The following ARHGAP6 variants were observed in gnomAD, a reference collection of about 807,000 sequenced individuals.
ARHGAP6 encodes the protein Rho GTPase activating protein 6.
In ARHGAP6, 16 loss-of-function variants were observed where a neutral mutation model predicts 55.7. The ratio of observed to expected loss-of-function variants is 0.29; its 90% CI spans 0.19 to 0.44. The LOEUF (loss-of-function observed/expected upper bound fraction) is 0.44. Ranked by LOEUF, ARHGAP6 falls within the 20% of genes least tolerant of loss-of-function variation. The pLI, the probability that ARHGAP6 is intolerant of heterozygous loss-of-function variation, is 1.00. For missense variants in ARHGAP6, 698 were observed against 808.9 expected, an observed-to-expected ratio of 0.86 and a Z score of 1.66; for synonymous variants, 382 against 360.9, an observed-to-expected ratio of 1.06 and a Z score of -0.66.
chrX:11,306,960 C>T lies in ARHGAP6; in HGVS notation c.589-52253G>A, dbSNP rs143315199. The stretch of plus-strand genomic sequence containing the variant: ...TACAAACATAGGCAAGTATCCCCTA[C>T]GCTAGGACAACATTGCCATGGCAAC... On this transcript the variant is annotated intron_variant, in intron 1 of 12. Transcript: ENST00000337414. 2.7e-3 allele frequency among the ~76,000 whole-genome samples: 305 copies of T among 111,644 alleles called. 1 individual carries two copies. Among genetic ancestry groups the T allele is most frequent in the African/African-American group, 9.1e-3 (279 of 30,686 alleles).
chrX:11,485,267 T>G (rs1470557838), intron 1 of ARHGAP6, among the ~76,000 whole-genome samples: 1 of 112,009 alleles, frequency 8.9e-6, no homozygotes, highest in East Asian at 2.8e-4. Flanking sequence ...ATACAGAAAA[T>G]GTTTTTAATG....
intron 1 of ARHGAP6, among the ~76,000 whole-genome samples, chrX:11,418,682 C>T (rs2049784261): frequency 8.9e-6 from 1 of 111,867 alleles, no homozygotes; most frequent in Non-Finnish European, 1.9e-5. Context: ...TCACTCTCTA[C>T]TAAATGCTTT....
At chrX:11,620,485 C>T (rs2052215132) in intron 1 of ARHGAP6, among the ~76,000 whole-genome samples, 1 of 112,376 alleles carries the variant, frequency 8.9e-6, no homozygotes, top group African/African-American at 3.2e-5. Context: ...GAAGCCAAAG[C>T]CTGATGGGTG....
chrX:11,319,242 T>C (rs192126877), intron 1 of ARHGAP6, among the ~76,000 whole-genome samples: 15 of 112,215 alleles, frequency 1.3e-4, no homozygotes, highest in African/African-American at 4.9e-4. Flanking sequence ...ATACCTATAC[T>C]TGTACTTACA....
intron 1 of ARHGAP6, among the ~76,000 whole-genome samples, chrX:11,294,147 A>C (rs1194042799): frequency 8.9e-6 from 1 of 112,452 alleles, no homozygotes; most frequent in African/African-American, 3.2e-5. Flanking sequence ...GAATCACATA[A>C]AATTCGTACC....
chrX:11,473,950 G>T (rs1159838755), intron 1 of ARHGAP6, among the ~76,000 whole-genome samples: 1 of 111,272 alleles, frequency 9.0e-6, no homozygotes, highest in African/African-American at 3.3e-5. Context: ...TGTTAAAGCT[G>T]CCTTCTCAAC....
At chrX:11,526,935 G>C (rs1378213669) in intron 1 of ARHGAP6, among the ~76,000 whole-genome samples, 1 of 109,280 alleles carries the variant, frequency 9.2e-6, no homozygotes, top group Non-Finnish European at 1.9e-5. Context: ...TAATTTAAAA[G>C]TTTAGAAACC....
At chrX:11,456,144 C>T (rs2050192051) in intron 1 of ARHGAP6, among the ~76,000 whole-genome samples, 2 of 111,537 alleles carry the variant, frequency 1.8e-5, no homozygotes, top group African/African-American at 6.5e-5. Context: ...ATATACCATA[C>T]AAAATCAAAA....
chrX:11,166,517 C>CAAACA (rs2046019145), intron 9 of ARHGAP6, among the ~76,000 whole-genome samples: 1 of 111,919 alleles, frequency 8.9e-6, no homozygotes, highest in African/African-American at 3.2e-5. Context: ...TTTAAAAAGC[C>CAAACA]AAACAAAACA....
chrX:11,520,666 G>C (rs1367502724), intron 1 of ARHGAP6, among the ~76,000 whole-genome samples: 1 of 110,999 alleles, frequency 9.0e-6, no homozygotes, highest in Non-Finnish European at 1.9e-5. Context: ...TAATCCTCTG[G>C]GTATATACCC....
chrX:11,539,791 T>C (rs1321831739), intron 1 of ARHGAP6, among the ~76,000 whole-genome samples: 1 of 111,927 alleles, frequency 8.9e-6, no homozygotes, highest in East Asian at 2.8e-4. Flanking sequence ...GATACAGACC[T>C]CCAAATCGCC....
At chrX:11,350,062 A>T (rs1242981117) in intron 1 of ARHGAP6, among the ~76,000 whole-genome samples, 1 of 112,040 alleles carries the variant, frequency 8.9e-6, no homozygotes, top group Non-Finnish European at 1.9e-5. Context: ...TCTTCAGTAA[A>T]TGATGGCCAC....
chrX:11,611,637 A>G (rs2052102727), intron 1 of ARHGAP6, among the ~76,000 whole-genome samples: 1 of 111,930 alleles, frequency 8.9e-6, no homozygotes, highest in South Asian at 3.7e-4. Context: ...AAACCTTCCA[A>G]AGGAAGCGCA....
intron 1 of ARHGAP6, among the ~76,000 whole-genome samples, chrX:11,347,005 A>C (rs1279716150): frequency 8.9e-6 from 1 of 112,292 alleles, no homozygotes; most frequent in Middle Eastern, 4.2e-3. Flanking sequence ...GTTGATAATT[A>C]ATAATGTAAC....
chrX:11,574,214 A>C (rs994479557), intron 1 of ARHGAP6, among the ~76,000 whole-genome samples: 3 of 111,710 alleles, frequency 2.7e-5, no homozygotes, highest in African/African-American at 6.5e-5. Flanking sequence ...AATCCTCCCT[A>C]ACTCATTTTA....
At chrX:11,619,072 C>T (rs2052199953) in intron 1 of ARHGAP6, among the ~76,000 whole-genome samples, 1 of 112,042 alleles carries the variant, frequency 8.9e-6, no homozygotes, top group African/African-American at 3.2e-5. Context: ...TAATAATACA[C>T]TAATCTCCTT....
At chrX:11,388,346 T>G (rs2049358170) in intron 1 of ARHGAP6, among the ~76,000 whole-genome samples, 1 of 112,301 alleles carries the variant, frequency 8.9e-6, no homozygotes, top group South Asian at 3.8e-4. Context: ...GCTGCATAAA[T>G]GTCTTCTTTT....
At chrX:11,567,429 C>T (rs1181654977) in intron 1 of ARHGAP6, among the ~76,000 whole-genome samples, 1 of 107,659 alleles carries the variant, frequency 9.3e-6, no homozygotes, top group Admixed American at 9.9e-5. Flanking sequence ...TGTCAGGCGC[C>T]TGTAGTCGCA....
At chrX:11,394,140 C>G (rs2049446862) in intron 1 of ARHGAP6, among the ~76,000 whole-genome samples, 1 of 111,815 alleles carries the variant, frequency 8.9e-6, no homozygotes, top group African/African-American at 3.2e-5. Context: ...TGTGCACTCA[C>G]AGATAAGTAG....
Sources: allele counts gnomAD v4.1 joint callset (sites outside exome capture counted in the v4.1 genomes callset), GRCh38; gene constraint gnomAD v4.1.1; transcripts MANE v1.5; gene names NCBI Gene and HGNC (gene_info 2026-07-23, HGNC 2026-07-21).